Variants in MSRA observed in about 807,000 individuals in gnomAD.
MSRA encodes methionine sulfoxide reductase A.
MSRA carries 54 observed loss-of-function variants against 31.3 expected under a neutral mutation model. The ratio of observed to expected loss-of-function variants is 1.73; its 90% CI spans 1.39 to 2.17. MSRA has a LOEUF of 2.17. MSRA is among the 30% of genes most tolerant of loss of function. The probability of loss-of-function intolerance (pLI) is 0.00; values close to 1 mark genes in which losing one functional copy is unlikely to be tolerated. For synonymous variants in MSRA, 169 were observed against 116.5 expected (o/e 1.45, Z -2.90); for missense variants, 507 against 300.9 (o/e 1.69, Z -5.07).
At chr8:10,239,449 C>T (rs1296647559) in intron 2 of MSRA, among the ~76,000 whole-genome samples, 9 of 152,308 alleles carry the variant, frequency 5.9e-5, no homozygotes, top group Middle Eastern at 3.4e-3. Context: ...CATGAGCCAC[C>T]ACCCCTGGCT....
At chr8:10,060,992 A>G (rs1179698560) in intron 1 of MSRA, among the ~76,000 whole-genome samples, 1 of 152,220 alleles carries the variant, frequency 6.6e-6, no homozygotes, top group African/African-American at 2.4e-5. Context: ...ATGTGTGATT[A>G]ATTTCTAAAT....
intron 3 of MSRA, among the ~76,000 whole-genome samples, chr8:10,298,517 G>A (rs1473515800): frequency 6.6e-6 from 1 of 152,112 alleles, no homozygotes; most frequent in Non-Finnish European, 1.5e-5. Context: ...TATCAGTTTT[G>A]CGAGATGAAA....
chr8:10,087,929 G>C (rs914705330), intron 1 of MSRA, among the ~76,000 whole-genome samples: 8 of 152,134 alleles, frequency 5.3e-5, no homozygotes, highest in Admixed American at 5.2e-4. Context: ...AATTAGGTAG[G>C]TGCAAAAGTA....
At chr8:10,178,700 C>T (rs1490543735) in intron 1 of MSRA, among the ~76,000 whole-genome samples, 2 of 152,040 alleles carry the variant, frequency 1.3e-5, no homozygotes, top group African/African-American at 4.8e-5. Flanking sequence ...AGTTGAAATT[C>T]AAAGTAACCC....
chr8:10,249,566 C>T (rs1797809986), intron 3 of MSRA, among the ~76,000 whole-genome samples: 1 of 152,138 alleles, frequency 6.6e-6, no homozygotes, highest in African/African-American at 2.4e-5. Flanking sequence ...AGCGCACAGG[C>T]TGAGAAACTT....
chr8:10,170,419 G>A (rs1284509488), intron 1 of MSRA, among the ~76,000 whole-genome samples: 1 of 152,190 alleles, frequency 6.6e-6, no homozygotes, highest in Non-Finnish European at 1.5e-5. Flanking sequence ...GAATTAGGAA[G>A]CAGGTCCTCA....
chr8:10,056,012 A>T (rs1037870327), intron 1 of MSRA, among the ~76,000 whole-genome samples: 1 of 152,048 alleles, frequency 6.6e-6, no homozygotes, highest in Non-Finnish European at 1.5e-5. Flanking sequence ...TTATATATAG[A>T]TTTATAAAAT....
At chr8:10,315,502 C>G (rs1474981238) in intron 4 of MSRA, among the ~76,000 whole-genome samples, 1 of 152,172 alleles carries the variant, frequency 6.6e-6, no homozygotes, top group Non-Finnish European at 1.5e-5. Context: ...CTGTGCGTAT[C>G]TATTTTATGT....
chr8:10,103,199 T>G (rs537690010), intron 1 of MSRA, among the ~76,000 whole-genome samples: 1 of 152,222 alleles, frequency 6.6e-6, no homozygotes, highest in South Asian at 2.1e-4. Context: ...TATCAGACTT[T>G]TGCAACTTAT....
At chr8:10,100,589 G>T (rs1393393408) in intron 1 of MSRA, among the ~76,000 whole-genome samples, 2 of 152,128 alleles carry the variant, frequency 1.3e-5, no homozygotes, top group Non-Finnish European at 2.9e-5. Flanking sequence ...GGATGAGTAA[G>T]TAGAAATTTA....
intron 3 of MSRA, among the ~76,000 whole-genome samples, chr8:10,273,003 C>T (rs764859192): frequency 2.0e-5 from 3 of 152,110 alleles, no homozygotes; most frequent in Non-Finnish European, 4.4e-5. Flanking sequence ...CTGGTATAAG[C>T]AATCATGAAG....
rs755979804 is a variant in MSRA at position 10,301,607 on chromosome 8, G to A, written c.405G>A (p.Lys135=). 3.1e-6 allele frequency: 5 copies of A among 1,614,112 alleles called. No homozygotes were observed. The East Asian group carries it at 1.1e-4, about 36-fold the overall frequency. The change falls in exon 4 of 6, where the codon AAG becomes AAA. Residue 135 remains lysine (K), a synonymous_variant. Coordinates refer to ENST00000317173, the MANE Select transcript of MSRA (RefSeq NM_012331.5). ...PEHMSFEELL[K]VFWENHDPTQ... is the part of the protein sequence containing the mutation. ...ACATGAGTTTTGAGGAACTGCTCAA[G>A]GTCTTCTGGGAGAATCACGACCCGA...
At chr8:10,274,062 C>T (rs1799189313) in intron 3 of MSRA, among the ~76,000 whole-genome samples, 1 of 152,156 alleles carries the variant, frequency 6.6e-6, no homozygotes, top group African/African-American at 2.4e-5. Context: ...CTCCGGCGCC[C>T]TCTACTGACA....
At chr8:10,122,515 T>A (rs527840740) in intron 1 of MSRA, among the ~76,000 whole-genome samples, 1 of 151,580 alleles carries the variant, frequency 6.6e-6, no homozygotes, top group African/African-American at 2.4e-5. Context: ...GCTGAGGCAG[T>A]GGAAGTATTT....
intron 2 of MSRA, among the ~76,000 whole-genome samples, chr8:10,217,671 A>G (rs1219067512): frequency 1.3e-5 from 2 of 152,118 alleles, no homozygotes; most frequent in Non-Finnish European, 2.9e-5. Flanking sequence ...ATCCTAGCAT[A>G]TTTAAAGCAG....
At chr8:10,056,178 T>C (rs1200497565) in intron 1 of MSRA, among the ~76,000 whole-genome samples, 1 of 136,078 alleles carries the variant, frequency 7.3e-6, no homozygotes, top group Admixed American at 8.0e-5. Flanking sequence ...GCCGTGTCTT[T>C]GCTATGCCCT....
chr8:10,188,055 A>T (rs1475793238), intron 1 of MSRA, among the ~76,000 whole-genome samples: 3 of 152,030 alleles, frequency 2.0e-5, no homozygotes, highest in Non-Finnish European at 4.4e-5. Context: ...TCACAAGATT[A>T]AAAAAAATAC....
chr8:10,062,395 A>G (rs1289100021), intron 1 of MSRA, among the ~76,000 whole-genome samples: 3 of 152,190 alleles, frequency 2.0e-5, no homozygotes, highest in African/African-American at 7.2e-5. Flanking sequence ...TCTTCCTCAC[A>G]TCATAAACTC....
chr8:10,310,102 T>A lies in MSRA; in HGVS notation c.436+8464T>A, dbSNP rs142936623. Among the ~76,000 whole-genome samples, 881 of 152,354 alleles carry A rather than the reference T, an allele frequency of 5.8e-3. 1 individual carries two copies. The highest frequency in any genetic ancestry group is 8.1e-3 in the South Asian group (39 of 4,832). ...ACCCCTTGAAGTTAGTTTTTTAAAA[T>A]AAGTCACCAGTTTTGAAGGACTATC... is the stretch of plus-strand genomic sequence containing the variant. On this transcript the variant is annotated intron_variant, in intron 4 of 5. Transcript: ENST00000317173.
Sources: gnomAD v4.1 joint callset for allele counts (sites outside exome capture counted in the v4.1 genomes callset) on GRCh38, gnomAD v4.1.1 for gene constraint, MANE v1.5 for transcripts, NCBI Gene and HGNC (gene_info 2026-07-23, HGNC 2026-07-21) for gene names.